TCF12: variants seen among roughly 807,000 people sequenced by gnomAD.
TCF12 encodes the protein DNA-binding protein HTF4.
In TCF12, 45 loss-of-function variants were observed where a neutral mutation model predicts 86.0. That is an observed-to-expected ratio of 0.52 (90% CI 0.41 to 0.67). The LOEUF (loss-of-function observed/expected upper bound fraction) is 0.67. Among genes scored for constraint, TCF12 ranks in the 30% least tolerant of loss-of-function variants. The probability of loss-of-function intolerance (pLI) is 0.00; values close to 1 mark genes in which losing one functional copy is unlikely to be tolerated. For missense variants in TCF12, 881 were observed against 859.9 expected (o/e 1.02, Z -0.31); for synonymous variants, 330 against 299.6 (o/e 1.10, Z -1.05).
chr15:57,104,130 GA>G (rs2049951111), intron 5 of TCF12, among the ~76,000 whole-genome samples: 1 of 152,106 alleles, frequency 6.6e-6, no homozygotes, highest in Non-Finnish European at 1.5e-5. Flanking sequence ...AAAATCTAAA[GA>G]ATATCAAAAA....
intron 8 of TCF12, among the ~76,000 whole-genome samples, chr15:57,201,372 A>C (rs2151762086): frequency 6.6e-6 from 1 of 152,290 alleles, no homozygotes; most frequent in African/African-American, 2.4e-5. Context: ...CTTCAGGAAG[A>C]GTTGACATTT....
intron 16 of TCF12, among the ~76,000 whole-genome samples, chr15:57,257,012 A>G (rs1380299368): frequency 3.3e-5 from 5 of 152,330 alleles, no homozygotes; most frequent in Non-Finnish European, 7.4e-5. Flanking sequence ...TGTAGGCTGT[A>G]TAGTCTCTGT....
At chr15:57,100,513 T>G (rs1372059422) in intron 5 of TCF12, among the ~76,000 whole-genome samples, 7 of 151,906 alleles carry the variant, frequency 4.6e-5, no homozygotes, top group African/African-American at 1.7e-4. Flanking sequence ...TCTTCCTGTC[T>G]TGGTCTTCCA....
At chr15:57,044,270 AG>A (rs2067082713) in intron 3 of TCF12, among the ~76,000 whole-genome samples, 1 of 152,254 alleles carries the variant, frequency 6.6e-6, no homozygotes, top group East Asian at 1.9e-4. Context: ...TCACTGTTTA[AG>A]AATTTACCAG....
At chr15:57,122,478 T>C (rs952777636) in intron 5 of TCF12, among the ~76,000 whole-genome samples, 9 of 152,228 alleles carry the variant, frequency 5.9e-5, no homozygotes, top group African/African-American at 2.2e-4. Context: ...TTCAATTCTT[T>C]TAACAGCATT....
In TCF12 at chr15:57,057,161, C is replaced by T. The variant is rs112348672; in HGVS notation, c.149-6589C>T. On this transcript the variant is annotated intron_variant, in intron 3 of 20. Transcript: ENST00000333725. ...TCTTTTAGTCTCTGCTACAAACTGC[C>T]TTGTGCCTGCCCTGTGAATGGTGTT... is the stretch of plus-strand genomic sequence containing the variant. Among the ~76,000 whole-genome samples, 451 of 152,298 alleles carry T rather than the reference C, an allele frequency of 3.0e-3. 1 individual carries two copies. Among genetic ancestry groups the T allele is most frequent in the African/African-American group, 0.01 (431 of 41,554 alleles).
chr15:57,206,312 C>T (rs1392853365), intron 8 of TCF12, among the ~76,000 whole-genome samples: 2 of 151,978 alleles, frequency 1.3e-5, no homozygotes, highest in Non-Finnish European at 2.9e-5. Context: ...ACCAGCCTGG[C>T]CAACATAGTG....
At chr15:57,076,006 G>A (rs1449790371) in intron 4 of TCF12, among the ~76,000 whole-genome samples, 3 of 151,272 alleles carry the variant, frequency 2.0e-5, no homozygotes, top group East Asian at 3.9e-4. Context: ...GGGACTACAG[G>A]CCTGTGCTAC....
chr15:57,170,417 C>T (rs1214329958), intron 6 of TCF12, among the ~76,000 whole-genome samples: 3 of 151,060 alleles, frequency 2.0e-5, no homozygotes, highest in Non-Finnish European at 2.9e-5. Context: ...TTGATTTCTT[C>T]ATCTGAAAGA....
intron 8 of TCF12, among the ~76,000 whole-genome samples, chr15:57,206,870 T>C (rs537286833): frequency 6.9e-6 from 1 of 144,346 alleles, no homozygotes; most frequent in African/African-American, 2.6e-5. Flanking sequence ...ATGGGAGGAG[T>C]GTTTGAGCCT....
intron 5 of TCF12, chr15:57,118,241 A>T (rs2050978654): frequency 6.6e-6 from 1 of 152,212 alleles, no homozygotes; most frequent in African/African-American, 2.4e-5. Flanking sequence ...ACCTTTGTAA[A>T]TGTTAAATAA....
At chr15:56,954,994 G>T (rs193024434) in intron 3 of TCF12, among the ~76,000 whole-genome samples, 2 of 152,148 alleles carry the variant, frequency 1.3e-5, no homozygotes, top group African/African-American at 2.4e-5. Flanking sequence ...ACAGTGTGGC[G>T]ATCCCTCAAG....
At chr15:57,212,092 A>G (rs2058135353) in intron 8 of TCF12, among the ~76,000 whole-genome samples, 1 of 152,096 alleles carries the variant, frequency 6.6e-6, no homozygotes, top group African/African-American at 2.4e-5. Flanking sequence ...ACAAGATTCA[A>G]AATACATCAG....
chr15:57,252,604 T>C, intron 15 of TCF12, 112 bp downstream of exon 15: 5 of 861,270 alleles, frequency 5.8e-6, no homozygotes, highest in Non-Finnish European at 7.2e-6. Flanking sequence ...ATCAAACAGT[T>C]GACTGTTTCA....
chr15:57,252,096 G>T, intron 14 of TCF12: 1 of 229,830 alleles, frequency 4.4e-6, no homozygotes, highest in Non-Finnish European at 8.5e-6. Flanking sequence ...TTGATGGAAT[G>T]CTAAGTCATG....
chr15:56,942,695 A>G lies in TCF12; in HGVS notation c.148+21597A>G, dbSNP rs138094179. Among the ~76,000 whole-genome samples the G allele has an allele frequency of 1.5e-3, 229 of 152,322 alleles. 1 individual carries two copies. Among genetic ancestry groups the G allele is most frequent in the African/African-American group, 5.4e-3 (223 of 41,572 alleles). ...CTCAACTGGTTTAGGTGTAAATAGT[A>G]TAAAAGCATTGAGGCAAAATCTAAA... On this transcript the variant is annotated intron_variant, in intron 3 of 20. Transcript: ENST00000333725.
At chr15:57,060,373 T>A (rs2068370011) in intron 3 of TCF12, among the ~76,000 whole-genome samples, 1 of 152,196 alleles carries the variant, frequency 6.6e-6, no homozygotes, top group Non-Finnish European at 1.5e-5. Flanking sequence ...TTGACTTAAT[T>A]GATTCCATTC....
intron 3 of TCF12, among the ~76,000 whole-genome samples, chr15:56,942,252 A>G (rs1011612573): frequency 6.6e-6 from 1 of 152,218 alleles, no homozygotes; most frequent in Non-Finnish European, 1.5e-5. Context: ...GAATTTTGTG[A>G]AACAAAGCTA....
intron 4 of TCF12, among the ~76,000 whole-genome samples, chr15:57,087,069 C>CTG (rs2048690217): frequency 1.4e-5 from 2 of 138,066 alleles, no homozygotes; most frequent in Admixed American, 1.9e-4. Context: ...CTGTCTCCCT[C>CTG]TCTCTCCCTC....
Sources: gnomAD v4.1 joint callset for allele counts (sites outside exome capture counted in the v4.1 genomes callset) on GRCh38, gnomAD v4.1.1 for gene constraint, MANE v1.5 for transcripts, NCBI Gene and HGNC (gene_info 2026-07-23, HGNC 2026-07-21) for gene names.